FARS2: variants seen among roughly 807,000 people sequenced by gnomAD.
The protein encoded by FARS2 is phenylalanyl-tRNA synthetase 2, mitochondrial.
FARS2 carries 40 observed loss-of-function variants against 46.4 expected under a neutral mutation model. The ratio of observed to expected loss-of-function variants is 0.86; its 90% CI spans 0.67 to 1.12. The LOEUF is 1.12. Ranked by LOEUF, FARS2 falls within the 50% of genes most tolerant of loss-of-function variation. The pLI is 0.00. For missense variants in FARS2, 513 were observed against 567.9 expected (o/e 0.90, Z 0.98); for synonymous variants, 234 against 214.9 (o/e 1.09, Z -0.78).
rs150133334 is a variant in FARS2 at position 5,408,839 on chromosome 6, T to G, written c.772+4138T>G. On this transcript the variant is annotated intron_variant, in intron 3 of 6. Coordinates refer to ENST00000274680, the MANE Select transcript of FARS2 (RefSeq NM_006567.5). ...TGTCTGAGGGAACAAGAAGGAGCTG[T>G]GTACCAGACTGTGGCACCGTAGCCT... 5.9e-3 allele frequency among the ~76,000 whole-genome samples: 893 copies of G among 152,260 alleles called. 11 individuals carry two copies. Among genetic ancestry groups the G allele is most frequent in the Middle Eastern group, 0.027 (8 of 294 alleles).
chr6:5,485,805 G>T (rs968589660), intron 4 of FARS2, among the ~76,000 whole-genome samples: 3 of 152,212 alleles, frequency 2.0e-5, no homozygotes, highest in African/African-American at 2.4e-5. Context: ...ACATGGCTGT[G>T]TACATCCAAA....
intron 4 of FARS2, 21 bp from the exon 5 acceptor site, chr6:5,545,159 T>C: frequency 6.2e-7 from 1 of 1,612,578 alleles, no homozygotes; most frequent in African/African-American, 1.3e-5. Context: ...TAAAAACAAC[T>C]ATTTTGTTTC....
chr6:5,685,572 C>T (rs1236221791), intron 6 of FARS2, among the ~76,000 whole-genome samples: 1 of 152,178 alleles, frequency 6.6e-6, no homozygotes, highest in East Asian at 1.9e-4. Flanking sequence ...ACAGTGTAGG[C>T]AGAACTTGGA....
chr6:5,421,426 G>A (rs1447132421), intron 3 of FARS2, among the ~76,000 whole-genome samples: 1 of 152,150 alleles, frequency 6.6e-6, no homozygotes, highest in Non-Finnish European at 1.5e-5. Flanking sequence ...ATTGTCTTGG[G>A]GATTAACTTT....
At chr6:5,378,257 CA>C (rs1203097129) in intron 2 of FARS2, among the ~76,000 whole-genome samples, 3 of 151,830 alleles carry the variant, frequency 2.0e-5, no homozygotes, top group Admixed American at 6.6e-5. Flanking sequence ...CCACTGTCCT[CA>C]AACCACTGTC....
chr6:5,260,598 T>TACCCCGGCCCCGGGCCCCCCCCC, upstream of FARS2: 1 of 1,105,570 alleles, frequency 9.0e-7, no homozygotes, highest in Non-Finnish European at 1.3e-6. Context: ...GCACCCCCGG[T>TACCCCGGCCCCGGGCCCCCCCCC]CCCCGGCCCC....
chr6:5,521,214 T>C (rs1403720217), intron 4 of FARS2, among the ~76,000 whole-genome samples: 8 of 152,148 alleles, frequency 5.3e-5, no homozygotes, highest in African/African-American at 1.2e-4. Flanking sequence ...ATGATTTCTT[T>C]TGAGGTTTTA....
chr6:5,757,828 A>G (rs1376174411), intron 6 of FARS2, among the ~76,000 whole-genome samples: 3 of 152,210 alleles, frequency 2.0e-5, no homozygotes. Context: ...TAACTTTATA[A>G]TTGTTCATTG....
chr6:5,744,417 T>C (rs1398785705), intron 6 of FARS2, among the ~76,000 whole-genome samples: 1 of 152,204 alleles, frequency 6.6e-6, no homozygotes, highest in Non-Finnish European at 1.5e-5. Flanking sequence ...AAATTACCCA[T>C]TACAGCAGTC....
intron 6 of FARS2, among the ~76,000 whole-genome samples, chr6:5,647,169 C>T (rs999493524): frequency 1.3e-5 from 2 of 152,214 alleles, no homozygotes. Flanking sequence ...AGGGTCTTCA[C>T]CTTCATCCCA....
chr6:5,664,155 T>C (rs1008198), intron 6 of FARS2, among the ~76,000 whole-genome samples: 73,642 of 152,090 alleles, frequency 0.48, 19,093 homozygotes, highest in East Asian at 0.7. Flanking sequence ...GAAAGCTTAA[T>C]GTCTCCTGTG....
At chr6:5,325,568 CCAGTAATCTTCCTACAGCT>C (rs1163098520) in intron 1 of FARS2, among the ~76,000 whole-genome samples, 2 of 152,114 alleles carry the variant, frequency 1.3e-5, no homozygotes, top group East Asian at 1.9e-4. Flanking sequence ...ATCGTAGGGC[CCAGTAATCTTCCTACAGCT>C]GAAGCAGCAG....
At chr6:5,721,295 G>A (rs1759889013) in intron 6 of FARS2, among the ~76,000 whole-genome samples, 1 of 152,078 alleles carries the variant, frequency 6.6e-6, no homozygotes, top group African/African-American at 2.4e-5. Flanking sequence ...CTCTTAAGTT[G>A]TTTTGGTTAC....
intron 6 of FARS2, among the ~76,000 whole-genome samples, chr6:5,722,985 A>G (rs1247153612): frequency 6.6e-6 from 1 of 152,250 alleles, no homozygotes; most frequent in East Asian, 1.9e-4. Context: ...AAGTCAAGGG[A>G]GCAATAAACA....
In FARS2 at chr6:5,311,935, G is replaced by A. The variant is rs960593088; in HGVS notation, c.-22+50275G>A. Among the ~76,000 whole-genome samples, 2 of 152,108 alleles carry A rather than the reference G, an allele frequency of 1.3e-5. No homozygotes were observed. The highest frequency in any genetic ancestry group is 4.8e-5 in the African/African-American group (2 of 41,430). The stretch of plus-strand genomic sequence containing the variant: ...AATTTGCCCATTGTAGGTTTGTCTG[G>A]GGGAGTGTAAGTTAGTTTAAATAAC... On this transcript the variant is annotated intron_variant, in intron 1 of 6. Coordinates refer to ENST00000274680, the MANE Select transcript of FARS2 (RefSeq NM_006567.5). This position sits in a 1 kb window ranked among gnomAD's most constrained non-coding sequence, Gnocchi z 4.1.
intron 6 of FARS2, among the ~76,000 whole-genome samples, chr6:5,622,407 G>A (rs763575416): frequency 1.7e-4 from 26 of 152,336 alleles, no homozygotes; most frequent in Middle Eastern, 3.4e-3. Flanking sequence ...TTAGAGGCCT[G>A]TGGCATAGTA....
At chr6:5,498,184 ATT>A (rs1333923903) in intron 4 of FARS2, among the ~76,000 whole-genome samples, 1 of 152,012 alleles carries the variant, frequency 6.6e-6, no homozygotes, top group East Asian at 1.9e-4. Context: ...AATGATTAAA[ATT>A]TTTTTTCATC....
chr6:5,642,096 A>C (rs1430130260), intron 6 of FARS2, among the ~76,000 whole-genome samples: 1 of 152,180 alleles, frequency 6.6e-6, no homozygotes. Context: ...CTAATACTAC[A>C]TAGGTGCATA....
intron 2 of FARS2, among the ~76,000 whole-genome samples, chr6:5,377,504 C>T (rs1296014931): frequency 6.6e-6 from 1 of 151,820 alleles, no homozygotes; most frequent in Non-Finnish European, 1.5e-5. Flanking sequence ...AATGAGCCTT[C>T]TTTTCTTCCA....
Sources: allele counts gnomAD v4.1 joint callset (sites outside exome capture counted in the v4.1 genomes callset), GRCh38; gene constraint gnomAD v4.1.1; non-coding constraint Gnocchi (gnomAD v3.1); transcripts MANE v1.5; gene names NCBI Gene and HGNC (gene_info 2026-07-23, HGNC 2026-07-21).